SETD2: variants seen among roughly 807,000 people sequenced by gnomAD.
SETD2 encodes the protein histone-lysine N-methyltransferase SETD2.
In SETD2, 31 loss-of-function variants were observed where a neutral mutation model predicts 242.1. That is an observed-to-expected ratio of 0.13 (90% CI 0.10 to 0.17). The LOEUF is 0.17. Ranked by LOEUF, SETD2 falls within the 10% of genes least tolerant of loss-of-function variation. SETD2 has a pLI of 1.00. For synonymous variants in SETD2, 1,006 were observed against 1,066.5 expected (o/e 0.94, Z 1.11); for missense variants, 2,481 against 3,046.3 (o/e 0.81, Z 4.37).
chr3:47,143,379 C>T (rs560926530), intron 1 of SETD2, among the ~76,000 whole-genome samples: 3 of 152,286 alleles, frequency 2.0e-5, no homozygotes, highest in African/African-American at 7.2e-5. Context: ...GAGAGAAACA[C>T]TAATATTCCA....
At chr3:47,162,697 C>A (rs1321295663) in intron 1 of SETD2, among the ~76,000 whole-genome samples, 2 of 152,186 alleles carry the variant, frequency 1.3e-5, no homozygotes, top group African/African-American at 4.8e-5. Flanking sequence ...TTGGAATCAT[C>A]CTGGTCATAA....
At chr3:47,109,811 C>A (rs1406372143) in intron 5 of SETD2, among the ~76,000 whole-genome samples, 1 of 151,678 alleles carries the variant, frequency 6.6e-6, no homozygotes, top group Non-Finnish European at 1.5e-5. Context: ...CATGGTGAAA[C>A]CCCCTCTCTA....
intron 15 of SETD2, among the ~76,000 whole-genome samples, chr3:47,056,092 ATTTT>A (rs146077691): frequency 6.8e-4 from 77 of 112,994 alleles, no homozygotes; most frequent in Admixed American, 2.8e-3. Flanking sequence ...AGAAAACATG[ATTTT>A]TATTTATTTA....
intron 12 of SETD2, among the ~76,000 whole-genome samples, chr3:47,080,482 C>T (rs188198433): frequency 1.4e-4 from 22 of 152,188 alleles, no homozygotes; most frequent in South Asian, 6.2e-4. Flanking sequence ...TTCTTATGAT[C>T]CAAATGAATG....
chr3:47,117,277 AAAAC>A (rs1261081681), intron 3 of SETD2, among the ~76,000 whole-genome samples: 1 of 85,580 alleles, frequency 1.2e-5, no homozygotes, highest in Non-Finnish European at 2.3e-5. Flanking sequence ...AAAAAAAAAA[AAAAC>A]AAACAAAAAA....
intron 12 of SETD2, among the ~76,000 whole-genome samples, chr3:47,068,943 T>C (rs1033369138): frequency 6.6e-6 from 1 of 151,672 alleles, no homozygotes; most frequent in Non-Finnish European, 1.5e-5. Flanking sequence ...TACAGGTGCA[T>C]GCCACCATGC....
intron 15 of SETD2, among the ~76,000 whole-genome samples, chr3:47,048,075 T>A (rs965103298): frequency 1.6e-4 from 24 of 152,112 alleles, no homozygotes; most frequent in South Asian, 2.1e-4. Context: ...CATGGAAAAG[T>A]TACAGTAAAA....
chr3:47,151,546 T>C (rs2043983874), intron 1 of SETD2, among the ~76,000 whole-genome samples: 1 of 151,954 alleles, frequency 6.6e-6, no homozygotes, highest in Non-Finnish European at 1.5e-5. Flanking sequence ...TCTAAGAGCA[T>C]GCCGCGTACA....
Position 47,163,594 on chromosome 3 carries a change from C to T in SETD2, c.71+260G>A, listed in dbSNP as rs1191489764. ...CGGTAACCGTAGGGACCGTGGCCGC[C>T]CCTCCCCCACCGGCCCGGCCCAACC... On this transcript the variant is annotated intron_variant, in intron 1 of 20. Coordinates refer to ENST00000409792, the MANE Select transcript of SETD2 (RefSeq NM_014159.7). 5 of 189,934 alleles carry T rather than the reference C, an allele frequency of 2.6e-5. No homozygotes were observed. In the East Asian group the frequency reaches 7.0e-4, roughly 27 times the overall value. 11.8% of individuals were successfully genotyped at this position (189,934 alleles called of 1,614,324 possible). A position where few individuals can be genotyped will look rare whatever the true frequency, so the allele number is the denominator to read the frequency against.
At chr3:47,046,407 A>G (rs2039533003) in intron 16 of SETD2, 80 bp downstream of exon 16, 1 of 1,339,922 alleles carries the variant, frequency 7.5e-7, no homozygotes, top group Non-Finnish European at 9.9e-7. Context: ...TAAAACCCAA[A>G]ACAAATCCAA....
intron 18 of SETD2, among the ~76,000 whole-genome samples, chr3:47,034,227 G>A (rs1191668318): frequency 1.3e-5 from 2 of 152,192 alleles, no homozygotes; most frequent in East Asian, 3.8e-4. Context: ...TAACAACTGA[G>A]TGAAGCTGAT....
chr3:47,095,627 T>C (rs532447508), intron 9 of SETD2, among the ~76,000 whole-genome samples: 3 of 152,200 alleles, frequency 2.0e-5, no homozygotes, highest in African/African-American at 4.8e-5. Context: ...TACACTTCCA[T>C]AGATAAATCT....
chr3:47,156,565 C>T (rs1156419250), intron 1 of SETD2, among the ~76,000 whole-genome samples: 1 of 152,124 alleles, frequency 6.6e-6, no homozygotes, highest in Non-Finnish European at 1.5e-5. Context: ...GAGGTATACC[C>T]TAGCCTAAGC....
intron 4 of SETD2, 119 bp from the exon 5 acceptor site, chr3:47,114,123 T>A: frequency 1.0e-6 from 1 of 989,186 alleles, no homozygotes; most frequent in Non-Finnish European, 1.5e-6. Context: ...AATTAGCATA[T>A]GTATGACTAA....
chr3:47,079,904 A>C lies in SETD2; in HGVS notation c.6060+3816T>G, dbSNP rs7641068. 9.9e-3 allele frequency among the ~76,000 whole-genome samples: 1,511 copies of C among 152,348 alleles called. 32 individuals are homozygous for C. Among genetic ancestry groups the C allele is most frequent in the African/African-American group, 0.035 (1,457 of 41,576 alleles). On this transcript the variant is annotated intron_variant, in intron 12 of 20. Coordinates refer to ENST00000409792, the MANE Select transcript of SETD2 (RefSeq NM_014159.7). ...TATTTAAAAATTTCAATGTTGCTGT[A>C]GCTAAAACAGCATTCTTTAGGGGCA... is the stretch of plus-strand genomic sequence containing the variant.
chr3:47,032,282 C>A (rs778718872), intron 18 of SETD2, among the ~76,000 whole-genome samples: 1 of 151,766 alleles, frequency 6.6e-6, no homozygotes, highest in Non-Finnish European at 1.5e-5. Flanking sequence ...GAGGCCACAA[C>A]AGGAAAATTG....
In SETD2 at chr3:47,105,977, A is replaced by G. The variant is rs368061508; in HGVS notation, c.4839+20T>C. 118 of 1,612,288 alleles carry G rather than the reference A, an allele frequency of 7.3e-5. No homozygotes were observed. In the African/African-American group the frequency reaches 1.3e-3, roughly 17 times the overall value. ...AACCTAACAGATCTGTTTCAAGGCA[A>G]ACATATCCAAGCTGCTTACCTCATC... On this transcript the variant is annotated intron_variant, in intron 6 of 20. Coordinates refer to ENST00000409792, the MANE Select transcript of SETD2 (RefSeq NM_014159.7).
At position 47,084,128 on chromosome 3, in the gene SETD2, T is replaced by A. The variant is rs1376756053; in HGVS notation, c.5652A>T (p.Ile1884=). 1.2e-6 allele frequency: 2 copies of A among 1,614,182 alleles called. No homozygotes were observed. The highest frequency in any genetic ancestry group is 1.7e-6 in the Non-Finnish European group (2 of 1,180,028). The part of the protein sequence containing the change: ...KKLMFRRLKI[I]SENSMDSAIS... Reference sequence around the variant, plus strand: ...TTGCACTGTCCATGCTATTTTCACTTATAATTTTCAGTCTGCGAAACATTA... The same window carrying A: ...TTGCACTGTCCATGCTATTTTCACTAATAATTTTCAGTCTGCGAAACATTA... Residue 1884 remains isoleucine, a synonymous_variant, in exon 12 of 21, where the codon ATA becomes ATT. Transcript: ENST00000409792.
intron 10 of SETD2, among the ~76,000 whole-genome samples, chr3:47,087,830 G>A (rs932784172): frequency 4.1e-5 from 6 of 147,778 alleles, no homozygotes; most frequent in Admixed American, 1.4e-4. Context: ...TCAGCTGGGC[G>A]TGGTGGCTGG....
Sources: allele counts gnomAD v4.1 joint callset (sites outside exome capture counted in the v4.1 genomes callset), GRCh38; gene constraint gnomAD v4.1.1; transcripts MANE v1.5; gene names NCBI Gene and HGNC (gene_info 2026-07-23, HGNC 2026-07-21).